JMJD1C: variants seen among roughly 807,000 people sequenced by gnomAD.
The protein encoded by JMJD1C is jumonji domain-containing protein 1C.
In JMJD1C, 31 loss-of-function variants were observed where a neutral mutation model predicts 245.3. The observed-to-expected ratio is 0.13, with a 90% CI of 0.09 to 0.17. The LOEUF (loss-of-function observed/expected upper bound fraction) is 0.17. Among genes scored for constraint, JMJD1C ranks in the 10% least tolerant of loss-of-function variants. The probability of loss-of-function intolerance (pLI) is 1.00; values close to 1 mark genes in which losing one functional copy is unlikely to be tolerated. For missense variants in JMJD1C, 2,691 were observed against 3,000.2 expected, an observed-to-expected ratio of 0.90 and a Z score of 2.41; for synonymous variants, 1,057 against 1,017.4, an observed-to-expected ratio of 1.04 and a Z score of -0.74.
intron 1 of JMJD1C, among the ~76,000 whole-genome samples, chr10:63,461,197 G>A (rs1263845682): frequency 1.3e-5 from 2 of 152,124 alleles, no homozygotes; most frequent in Admixed American, 6.5e-5. Context: ...ATTCGAGTGT[G>A]AAAAATAGTT....
Position 63,465,525 on chromosome 10 carries a change from T to G in JMJD1C, c.138A>C (p.Ser46=), listed in dbSNP as rs771777557. ...SWRAGVIRAV[S]HRDSRNPDLA... ...GGTCCGGATTGCGGCTGTCCCTGTG[T>G]GACACGGCTCGGATGACCCCCGCTC... The change falls in exon 1 of 26, where the codon TCA becomes TCC. Residue 46 remains serine, a synonymous_variant. Coordinates refer to ENST00000399262, the MANE Select transcript of JMJD1C (RefSeq NM_032776.3). 5.0e-6 allele frequency: 8 copies of G among 1,606,092 alleles called. No individual in the cohort carries two copies. The South Asian group carries it at 5.5e-5, about 11-fold the overall frequency.
In JMJD1C at chr10:63,208,041, G is replaced by C; in HGVS notation, c.3628C>G (p.His1210Asp). The change falls in exon 10 of 26, where the codon CAC (histidine) becomes GAC (aspartate). Residue 1210 changes from histidine to aspartate, a missense_variant. Physicochemically the swap from His to Asp is moderately conservative, Grantham distance 81. Coordinates refer to ENST00000399262, the MANE Select transcript of JMJD1C (RefSeq NM_032776.3). ...TCCAGGCTGTGATGGATTGGTGGGT[G>C]AAATACTGGTGCTCTATGTAATGCA... The part of the protein sequence containing the change: ...MPALHRAPVF[H>D]PPIHHSLERK... 6.2e-7 allele frequency: 1 copy of C among 1,614,108 alleles called. No individual in the cohort carries two copies. The highest frequency in any genetic ancestry group is 8.5e-7 in the Non-Finnish European group (1 of 1,180,002).
rs753815670 is a variant in JMJD1C at position 63,465,617 on chromosome 10, A to T, written c.46T>A (p.Cys16Ser). ...CGTGCCTCGTCGCCGACCGCCACAC[A>T]CAGGAACCGCTTACCCACCAGCTCT... Reference protein sequence around the residue: ...RAELVGKRFLCVAVGDEARSE... With the variant: ...RAELVGKRFLSVAVGDEARSE... The change falls in exon 1 of 26, where the codon TGT becomes AGT. Residue 16 changes from cysteine (C) to serine (S), a missense_variant. This residue lies in a region of JMJD1C where 135 missense variants were observed against 115.5 expected (regional missense o/e 1.17). Coordinates refer to ENST00000399262, the MANE Select transcript of JMJD1C (RefSeq NM_032776.3). 4 of 1,609,864 alleles carry T rather than the reference A, an allele frequency of 2.5e-6. No homozygotes were observed. Among genetic ancestry groups the T allele is most frequent in the Admixed American group, 3.3e-5 (2 of 59,986 alleles).
intron 1 of JMJD1C, among the ~76,000 whole-genome samples, chr10:63,396,649 T>C (rs1286363449): frequency 6.6e-6 from 1 of 152,150 alleles, no homozygotes; most frequent in Admixed American, 6.5e-5. Flanking sequence ...CAGAAAAGTT[T>C]AGGATATGGA....
intron 1 of JMJD1C, chr10:63,521,565 C>G: frequency 7.0e-7 from 1 of 1,428,266 alleles, no homozygotes; most frequent in South Asian, 1.5e-5. Flanking sequence ...TGGATGATCT[C>G]CAGAGCCGTG....
chr10:63,332,762 T>C lies in JMJD1C; in HGVS notation c.333+47556A>G, dbSNP rs559960614. On this transcript the variant is annotated intron_variant, in intron 2 of 25. Coordinates refer to ENST00000399262, the MANE Select transcript of JMJD1C (RefSeq NM_032776.3). ...ATAGGTTAAAGAATCACTTTTCAAATGAAAGGAATTCAAAAGAATATGCTA... is the reference window on the plus strand; with the variant it reads ...ATAGGTTAAAGAATCACTTTTCAAACGAAAGGAATTCAAAAGAATATGCTA... Among the ~76,000 whole-genome samples, 7 of 152,346 alleles carry C rather than the reference T, an allele frequency of 4.6e-5. No individual in the cohort carries two copies. The South Asian group carries it at 1.4e-3, about 32-fold the overall frequency.
At chr10:63,426,378 G>GTTT (rs1193778425) in intron 1 of JMJD1C, among the ~76,000 whole-genome samples, 2 of 151,786 alleles carry the variant, frequency 1.3e-5, no homozygotes, top group Non-Finnish European at 2.9e-5. Flanking sequence ...ATTCTTAAAC[G>GTTT]TAAGAGACTG....
In JMJD1C at chr10:63,254,056, C is replaced by A. The variant is rs74137708; in HGVS notation, c.447+10595G>T. 4.6e-5 allele frequency among the ~76,000 whole-genome samples: 7 copies of A among 152,078 alleles called. No individual in the cohort carries two copies. The East Asian group carries it at 1.4e-3, about 29-fold the overall frequency. ...GTACTGTTTTGTTTTTAGTCTGAAG[C>A]CTAGAAAGACTTGAATTTTAGAGAC... On this transcript the variant is annotated intron_variant, in intron 3 of 25. Coordinates refer to ENST00000399262, the MANE Select transcript of JMJD1C (RefSeq NM_032776.3).
intron 1 of JMJD1C, among the ~76,000 whole-genome samples, chr10:63,499,496 G>A (rs1449976512): frequency 6.6e-6 from 1 of 152,122 alleles, no homozygotes; most frequent in Non-Finnish European, 1.5e-5. Flanking sequence ...AAAATGTATA[G>A]GCAAGACTGA....
intron 2 of JMJD1C, among the ~76,000 whole-genome samples, chr10:63,283,600 C>T (rs550009127): frequency 6.6e-6 from 1 of 152,058 alleles, no homozygotes; most frequent in East Asian, 1.9e-4. Flanking sequence ...CTCCTGACCT[C>T]AAGTGATGCA....
rs774550122 is a variant in JMJD1C at position 63,380,249 on chromosome 10, TTTG to T, written c.333+66_333+68del. The T allele has an allele frequency of 1.8e-5, 27 of 1,533,348 alleles. No homozygotes were observed. In the East Asian group the frequency reaches 1.8e-4, roughly 10 times the overall value. 95.0% of individuals were successfully genotyped at this position (1,533,348 alleles called of 1,614,324 possible). A position where few individuals can be genotyped will look rare whatever the true frequency, so the allele number is the denominator to read the frequency against. On this transcript the variant is annotated intron_variant, in intron 2 of 25. Transcript: ENST00000399262. Reference sequence around the variant, plus strand: ...GTCAGTCACCAAACCTGGCCTTTGTTTTGTTGTTGTTGTTCTTTGTTTTAAACG... The same window carrying T: ...GTCAGTCACCAAACCTGGCCTTTGTTTTGTTGTTGTTCTTTGTTTTAAACG...
At chr10:63,210,892 G>GC (rs1317103372) in intron 8 of JMJD1C, among the ~76,000 whole-genome samples, 1 of 152,150 alleles carries the variant, frequency 6.6e-6, no homozygotes, top group Non-Finnish European at 1.5e-5. Context: ...TACGACAAAA[G>GC]CAACGGCACC....
chr10:63,304,941 T>C (rs1404669157), intron 2 of JMJD1C, among the ~76,000 whole-genome samples: 2 of 151,964 alleles, frequency 1.3e-5, no homozygotes, highest in African/African-American at 4.8e-5. Flanking sequence ...TGAGAACACT[T>C]AGACAGCAGA....
intron 3 of JMJD1C, among the ~76,000 whole-genome samples, chr10:63,235,529 GAACACAA>G (rs1395398524): frequency 6.6e-6 from 1 of 152,002 alleles, no homozygotes; most frequent in African/African-American, 2.4e-5. Context: ...AAATCAGCAT[GAACACAA>G]AACCAAAATT....
intron 1 of JMJD1C, among the ~76,000 whole-genome samples, chr10:63,441,073 T>C (rs1366863454): frequency 2.6e-5 from 4 of 152,042 alleles, no homozygotes; most frequent in South Asian, 2.1e-4. Flanking sequence ...ACAGAGTAGG[T>C]GTAAAGGCAA....
intron 2 of JMJD1C, among the ~76,000 whole-genome samples, chr10:63,318,676 T>C (rs1401128294): frequency 6.8e-6 from 1 of 148,072 alleles, no homozygotes; most frequent in Non-Finnish European, 1.5e-5. Flanking sequence ...AACTGGAATT[T>C]AAAAAAAAAA....
rs183712261 is a variant in JMJD1C at position 63,245,594 on chromosome 10, T to A, written c.447+19057A>T. On this transcript the variant is annotated intron_variant, in intron 3 of 25. Coordinates refer to ENST00000399262, the MANE Select transcript of JMJD1C (RefSeq NM_032776.3). ...GCCTCCCAGGTTCAAGCAATTCTCCTGCCTCAGCCTCCCAAGTAGCTGGGA... is the reference window on the plus strand; with the variant it reads ...GCCTCCCAGGTTCAAGCAATTCTCCAGCCTCAGCCTCCCAAGTAGCTGGGA... 5.4e-5 allele frequency among the ~76,000 whole-genome samples: 8 copies of A among 148,160 alleles called. No homozygotes were observed. In the East Asian group the frequency reaches 1.6e-3, roughly 31 times the overall value.
chr10:63,189,047 T>C, intron 18 of JMJD1C, 121 bp downstream of exon 18: 2 of 754,972 alleles, frequency 2.6e-6, no homozygotes, highest in Admixed American at 3.1e-5. Context: ...TATCTTATTG[T>C]CCCCCAAATG....
intron 2 of JMJD1C, among the ~76,000 whole-genome samples, chr10:63,376,692 G>T (rs2134469275): frequency 6.6e-6 from 1 of 152,144 alleles, no homozygotes; most frequent in East Asian, 1.9e-4. Flanking sequence ...ATCACATTAA[G>T]CATTAGAAAA....
Sources: gnomAD v4.1 joint callset for allele counts (sites outside exome capture counted in the v4.1 genomes callset) on GRCh38, gnomAD v4.1.1 for gene constraint, gnomAD v4.1.1 regional missense constraint, MANE v1.5 for transcripts, NCBI Gene and HGNC (gene_info 2026-07-23, HGNC 2026-07-21) for gene names.